Variants in ATP8A2 observed in about 807,000 individuals in gnomAD.
ATP8A2 encodes phospholipid-transporting ATPase IB.
ATP8A2 carries 100 observed loss-of-function variants against 165.6 expected under a neutral mutation model. The observed-to-expected ratio is 0.60, with a 90% CI of 0.51 to 0.71. The LOEUF (loss-of-function observed/expected upper bound fraction) is 0.71. Among genes scored for constraint, ATP8A2 ranks in the 30% least tolerant of loss-of-function variants. ATP8A2 has a pLI of 0.00. For missense variants in ATP8A2, 1,227 were observed against 1,479.5 expected (o/e 0.83, Z 2.80); for synonymous variants, 543 against 548.8 (o/e 0.99, Z 0.15).
chr13:25,652,859 T>C (rs1297566644), intron 24 of ATP8A2, among the ~76,000 whole-genome samples: 2 of 152,208 alleles, frequency 1.3e-5, no homozygotes, highest in Non-Finnish European at 2.9e-5. Flanking sequence ...CTTCCTTTTA[T>C]TTGGAATGTT....
At chr13:25,735,481 G>A (rs558814291) in intron 25 of ATP8A2, among the ~76,000 whole-genome samples, 1 of 152,024 alleles carries the variant, frequency 6.6e-6, no homozygotes, top group South Asian at 2.1e-4. Context: ...GACTGGTCTC[G>A]AACTCATGGG....
At chr13:25,893,840 A>G (rs934240302) in intron 33 of ATP8A2, among the ~76,000 whole-genome samples, 31 of 152,178 alleles carry the variant, frequency 2.0e-4, no homozygotes, top group African/African-American at 6.0e-4. Context: ...TTGGCTGCAT[A>G]AATGTCTTCT....
Position 25,520,821 on chromosome 13 carries a change from A to G in ATP8A2, c.222-9178A>G, listed in dbSNP as rs1045253507. On this transcript the variant is annotated intron_variant, in intron 2 of 36. Coordinates refer to ENST00000381655, the MANE Select transcript of ATP8A2 (RefSeq NM_016529.6). ...AGTAGAGACAAGGTTTCACCATGTT[A>G]GCCAGGATGGTCTCGATTTCCTGAC... Among the ~76,000 whole-genome samples, 5 of 152,152 alleles carry G rather than the reference A, an allele frequency of 3.3e-5. No homozygotes were observed. In the South Asian group the frequency reaches 6.2e-4, roughly 19 times the overall value.
At chr13:25,465,764 TCTC>T (rs2035648461) in intron 1 of ATP8A2, among the ~76,000 whole-genome samples, 13 of 47,914 alleles carry the variant, frequency 2.7e-4, no homozygotes, top group African/African-American at 9.4e-4. Flanking sequence ...TCTCTCTCTT[TCTC>T]TCTTTCTCTC....
In ATP8A2 at chr13:26,021,006, A is replaced by G. The variant is rs895165135; in HGVS notation, c.*1021A>G. The G allele has an allele frequency of 6.6e-6, 1 of 152,256 alleles. No homozygotes were observed. Among genetic ancestry groups the G allele is most frequent in the African/African-American group, 2.4e-5 (1 of 41,444 alleles). The allele number at this position is 152,256 out of a possible 1,614,324, so 9.4% of individuals were successfully genotyped here. ...ACTGCTGGGCCTTTGGCATCCACTT[A>G]CATTAGAACCCACGTTTGTTTCAGA... is the stretch of plus-strand genomic sequence containing the variant. On this transcript the variant is annotated 3_prime_UTR_variant, in exon 37 of 37. Transcript: ENST00000381655.
chr13:25,974,912 G>A (rs1955997697), intron 35 of ATP8A2, among the ~76,000 whole-genome samples: 2 of 152,076 alleles, frequency 1.3e-5, no homozygotes, highest in Non-Finnish European at 1.5e-5. Context: ...GTGAAGCACA[G>A]CCTCATCATG....
At chr13:25,828,665 C>T (rs1951380381) in intron 28 of ATP8A2, among the ~76,000 whole-genome samples, 1 of 152,160 alleles carries the variant, frequency 6.6e-6, no homozygotes, top group Non-Finnish European at 1.5e-5. Flanking sequence ...GCAGTTAGAG[C>T]TAAAATAATG....
intron 35 of ATP8A2, among the ~76,000 whole-genome samples, chr13:25,971,350 T>G (rs1029397596): frequency 6.6e-6 from 1 of 152,022 alleles, no homozygotes; most frequent in Non-Finnish European, 1.5e-5. Context: ...CTTTCACACC[T>G]GCTTAGATTC....
At chr13:25,579,081 G>A (rs1019724348) in intron 21 of ATP8A2, among the ~76,000 whole-genome samples, 182 bp downstream of exon 21, 3 of 152,190 alleles carry the variant, frequency 2.0e-5, no homozygotes, top group Non-Finnish European at 4.4e-5. Flanking sequence ...TCACTCATCA[G>A]CAGTGGTGCA....
chr13:25,622,032 A>C, intron 24 of ATP8A2, among the ~76,000 whole-genome samples: 1 of 151,850 alleles, frequency 6.6e-6, no homozygotes, highest in Non-Finnish European at 1.5e-5. Flanking sequence ...GTACTAAAAA[A>C]CATCTCTGCT....
At chr13:25,864,222 T>C (rs1952438152) in intron 33 of ATP8A2, among the ~76,000 whole-genome samples, 1 of 152,268 alleles carries the variant, frequency 6.6e-6, no homozygotes, top group African/African-American at 2.4e-5. Flanking sequence ...TAGACAGTGT[T>C]CTAAATTAGA....
chr13:25,513,133 C>G (rs920690035), intron 2 of ATP8A2, among the ~76,000 whole-genome samples: 10 of 151,834 alleles, frequency 6.6e-5, no homozygotes, highest in Non-Finnish European at 4.4e-5. Flanking sequence ...GGGTGGCTGC[C>G]GGGCGGAGGG....
At chr13:25,469,641 A>G (rs7318354) in intron 2 of ATP8A2, among the ~76,000 whole-genome samples, 34,437 of 151,982 alleles carry the variant, frequency 0.23, 4,137 homozygotes, top group African/African-American at 0.31. Flanking sequence ...GATGGACAGA[A>G]GCTAGCGTTT....
At position 25,563,936 on chromosome 13, in the gene ATP8A2, TTC is replaced by T. The variant is rs2039236198; in HGVS notation, c.1398-16_1398-15del. 6.3e-7 allele frequency: 1 copy of T among 1,576,740 alleles called. No individual in the cohort carries two copies. The highest frequency in any genetic ancestry group is 1.4e-5 in the African/African-American group (1 of 74,048). On this transcript the variant is annotated intron_variant, in intron 15 of 36. Transcript: ENST00000381655. ...CAGAAACTTTTAAATTGAATAAATT[TTC>T]TCTGTTCTCTCTTACAGTCGGATGC... is the stretch of plus-strand genomic sequence containing the variant.
At chr13:25,925,789 A>C (rs1265578641) in intron 33 of ATP8A2, among the ~76,000 whole-genome samples, 1 of 149,556 alleles carries the variant, frequency 6.7e-6, no homozygotes, top group Non-Finnish European at 1.5e-5. Flanking sequence ...GTGCAATGGC[A>C]TGATCTCGGC....
chr13:26,015,479 A>G (rs1956949070), intron 36 of ATP8A2, among the ~76,000 whole-genome samples: 1 of 152,064 alleles, frequency 6.6e-6, no homozygotes, highest in African/African-American at 2.4e-5. Flanking sequence ...TGGTCTTCTC[A>G]TTTCTATGGC....
chr13:25,389,238 G>C (rs1001373074), intron 1 of ATP8A2, among the ~76,000 whole-genome samples: 2 of 152,142 alleles, frequency 1.3e-5, no homozygotes, highest in African/African-American at 4.8e-5. Context: ...AGAAATTGTT[G>C]GGTTTTTGTA....
intron 24 of ATP8A2, among the ~76,000 whole-genome samples, chr13:25,662,420 T>G (rs930886356): frequency 1.3e-5 from 2 of 152,250 alleles, no homozygotes; most frequent in Non-Finnish European, 2.9e-5. Context: ...TGACTGATTC[T>G]ATATGGGATT....
At chr13:25,518,631 G>A (rs777258055) in intron 2 of ATP8A2, among the ~76,000 whole-genome samples, 1 of 152,178 alleles carries the variant, frequency 6.6e-6, no homozygotes, top group Non-Finnish European at 1.5e-5. Flanking sequence ...CTGGAGAACA[G>A]CTGTCAACTT....
Sources: gnomAD v4.1 joint callset for allele counts (sites outside exome capture counted in the v4.1 genomes callset) on GRCh38, gnomAD v4.1.1 for gene constraint, MANE v1.5 for transcripts, NCBI Gene and HGNC (gene_info 2026-07-23, HGNC 2026-07-21) for gene names.